Variants in ENTPD3 observed in about 807,000 individuals in gnomAD.
ENTPD3 encodes the protein CD39 antigen-like 3.
In ENTPD3, 60 loss-of-function variants were observed where a neutral mutation model predicts 51.2. The ratio of observed to expected loss-of-function variants is 1.17; its 90% CI spans 0.95 to 1.45. The LOEUF (loss-of-function observed/expected upper bound fraction) is 1.45. ENTPD3 is among the 40% of genes most tolerant of loss of function. The probability of loss-of-function intolerance (pLI) is 0.00; values close to 1 mark genes in which losing one functional copy is unlikely to be tolerated. For missense variants in ENTPD3, 593 were observed against 641.1 expected, an observed-to-expected ratio of 0.93 and a Z score of 0.81; for synonymous variants, 221 against 238.4, an observed-to-expected ratio of 0.93 and a Z score of 0.67.
Position 40,415,856 on chromosome 3 carries a change from T to C in ENTPD3, c.614T>C (p.Met205Thr). The change falls in exon 7 of 11, where the codon ATG (methionine) becomes ACG (threonine). Residue 205 changes from methionine to threonine, a missense_variant. Coordinates refer to ENST00000301825, the MANE Select transcript of ENTPD3 (RefSeq NM_001248.4). ...GNFLEKNLWH[M>T]WVHPHGVETT... ...ACTGTGCAGAAGAACCTGTGGCACA[T>C]GTGGGTGCACCCGCATGGAGTGGAA... 6.2e-7 allele frequency: 1 copy of C among 1,613,948 alleles called. No individual in the cohort carries two copies. Among genetic ancestry groups the C allele is most frequent in the Non-Finnish European group, 8.5e-7 (1 of 1,179,862 alleles).
chr3:40,427,275 G>T lies in ENTPD3; in HGVS notation c.1357G>T (p.Gly453Trp), dbSNP rs1228867128. 1 of 1,613,588 alleles carries T rather than the reference G, an allele frequency of 6.2e-7. No individual in the cohort carries two copies. The highest frequency in any genetic ancestry group is 1.3e-5 in the African/African-American group (1 of 75,026). ...AGCCATCTCCTCTACTCCACAGGTG[G>T]GGAATAGCAGCATAGCCTGGTCTCT... ...WPQIHFEKEVGNSSIAWSLGY... is the reference protein window; with the variant it reads ...WPQIHFEKEVWNSSIAWSLGY... The change falls in exon 11 of 11, where the codon GGG becomes TGG. Residue 453 changes from glycine to tryptophan, a missense_variant. Transcript: ENST00000301825.
At chr3:40,388,187 T>C (rs1444013621) in intron 2 of ENTPD3, 90 bp downstream of exon 2, 4 of 1,162,058 alleles carry the variant, frequency 3.4e-6, no homozygotes, top group Non-Finnish European at 5.2e-6. Flanking sequence ...CCATATCCCC[T>C]GCAAATGATT....
intron 10 of ENTPD3, among the ~76,000 whole-genome samples, chr3:40,426,107 C>CTTTTTTTTTTTTTTTTT (rs35267876): frequency 3.6e-5 from 4 of 112,448 alleles, no homozygotes; most frequent in African/African-American, 6.5e-5. Context: ...TTTTTCTTTT[C>CTTTTTTTTTTTTTTTTT]TTTTTTTTTT....
chr3:40,393,975 G>A (rs1222475587), intron 3 of ENTPD3, among the ~76,000 whole-genome samples: 1 of 148,784 alleles, frequency 6.7e-6, no homozygotes, highest in Non-Finnish European at 1.5e-5. Context: ...GTGAACCCGG[G>A]AGGTGGAGGT....
intron 3 of ENTPD3, 42 bp from the exon 4 acceptor site, chr3:40,400,852 G>A (rs779088777): frequency 6.7e-6 from 10 of 1,499,440 alleles, no homozygotes; most frequent in African/African-American, 1.4e-5. Flanking sequence ...GTCCTCAGAG[G>A]AGTCCCGCCC....
chr3:40,424,036 T>A, intron 10 of ENTPD3, 73 bp downstream of exon 10: 1 of 1,603,144 alleles, frequency 6.2e-7, no homozygotes, highest in South Asian at 1.1e-5. Context: ...GGAACAAATG[T>A]AGAAGGTAAA....
Position 40,414,704 on chromosome 3 carries a change from A to G in ENTPD3, c.461A>G (p.Asn154Ser). 1 of 1,614,098 alleles carries G rather than the reference A, an allele frequency of 6.2e-7. No homozygotes were observed. The highest frequency in any genetic ancestry group is 1.7e-4 in the Middle Eastern group (1 of 6,060). Residue 154 changes from asparagine to serine, a missense_variant, in exon 6 of 11, where the codon AAT becomes AGT. By Grantham distance (46) the Asn-to-Ser change is conservative. Coordinates refer to ENST00000301825, the MANE Select transcript of ENTPD3 (RefSeq NM_001248.4). ...AGGTTGCAAAATGAAACAGCAGCTA[A>G]TGAAGTCCTTGAAAGCATCCAAAGC... is the stretch of plus-strand genomic sequence containing the variant. ...LLRLQNETAA[N>S]EVLESIQSYF...
intron 4 of ENTPD3, among the ~76,000 whole-genome samples, chr3:40,409,983 C>T (rs551892111): frequency 1.3e-5 from 2 of 152,120 alleles, no homozygotes; most frequent in South Asian, 2.1e-4. Flanking sequence ...ATTGGTTAAA[C>T]TTTTTTTAAA....
intron 4 of ENTPD3, among the ~76,000 whole-genome samples, chr3:40,405,703 C>T (rs1041105693): frequency 2.0e-5 from 3 of 152,082 alleles, no homozygotes; most frequent in African/African-American, 7.2e-5. Flanking sequence ...ATCCTATCTC[C>T]TTTTCCCTCT....
intron 4 of ENTPD3, among the ~76,000 whole-genome samples, chr3:40,409,556 G>A (rs1418206818): frequency 6.6e-6 from 1 of 152,186 alleles, no homozygotes; most frequent in Admixed American, 6.5e-5. Flanking sequence ...AGCAAAACTT[G>A]TAATTACAAT....
At chr3:40,396,124 G>A (rs144429299) in intron 3 of ENTPD3, among the ~76,000 whole-genome samples, 20 of 152,220 alleles carry the variant, frequency 1.3e-4, no homozygotes, top group Non-Finnish European at 1.9e-4. Flanking sequence ...CCATTGCAAG[G>A]GACAGGAAAT....
At chr3:40,409,296 T>G (rs1955574166) in intron 4 of ENTPD3, among the ~76,000 whole-genome samples, 1 of 152,108 alleles carries the variant, frequency 6.6e-6, no homozygotes, top group African/African-American at 2.4e-5. Context: ...CATATATATT[T>G]ATTTAATTGT....
chr3:40,388,064 A>C lies in ENTPD3; in HGVS notation c.7A>C (p.Thr3Pro). The stretch of plus-strand genomic sequence containing the variant: ...CCTGCAGCTAGGAGAAAAGATGTTC[A>C]CTGTGCTGACCCGCCAACCATGTGA... The part of the protein sequence containing the change: MF[T>P]VLTRQPCEQA... Residue 3 changes from threonine to proline, a missense_variant, in exon 2 of 11, where the codon ACT becomes CCT. Transcript: ENST00000301825. 6.2e-7 allele frequency: 1 copy of C among 1,614,088 alleles called. No homozygotes were observed. The highest frequency in any genetic ancestry group is 1.1e-5 in the South Asian group (1 of 91,064).
intron 7 of ENTPD3, among the ~76,000 whole-genome samples, chr3:40,422,551 C>T (rs1431430980): frequency 7.1e-6 from 1 of 140,248 alleles, no homozygotes; most frequent in African/African-American, 2.6e-5. Context: ...TGTTCCCCTT[C>T]CTGTGTCCAT....
chr3:40,422,805 C>A, intron 7 of ENTPD3, 45 bp from the exon 8 acceptor site: 2 of 1,533,622 alleles, frequency 1.3e-6, no homozygotes, highest in Non-Finnish European at 1.8e-6. Context: ...GTGAATAGTG[C>A]CGCAATAAAC....
intron 3 of ENTPD3, chr3:40,392,466 G>A (rs996864920): frequency 2.3e-5 from 6 of 259,558 alleles, no homozygotes; most frequent in Admixed American, 2.2e-4. Context: ...GTTCAGCCAG[G>A]TGCGGTGGCT....
chr3:40,415,939 G>C lies in ENTPD3; in HGVS notation c.697G>C (p.Glu233Gln). The change falls in exon 7 of 11, where the codon GAG (glutamate) becomes CAG (glutamine). Residue 233 changes from glutamate (E) to glutamine (Q), a missense_variant. Physicochemically the swap from Glu to Gln is conservative, Grantham distance 29 (BLOSUM62 2). Coordinates refer to ENST00000301825, the MANE Select transcript of ENTPD3 (RefSeq NM_001248.4). The part of the protein sequence containing the change: ...ASTQISFVAG[E>Q]KMDLNTSDIM... ...CACCCAAATATCCTTCGTGGCAGGA[G>C]AGAAGATGGATCTGAACACCAGCGA... The C allele has an allele frequency of 1.2e-6, 2 of 1,614,158 alleles. No homozygotes were observed. The highest frequency in any genetic ancestry group is 1.7e-6 in the Non-Finnish European group (2 of 1,180,018).
At position 40,423,982 on chromosome 3, in the gene ENTPD3, A is replaced by G; in HGVS notation, c.1353+19A>G. 6.2e-7 allele frequency: 1 copy of G among 1,613,902 alleles called. No homozygotes were observed. Among genetic ancestry groups the G allele is most frequent in the Non-Finnish European group, 8.5e-7 (1 of 1,179,868 alleles). ...AAAAGAAGTAAGTTAAGCACAAATC[A>G]TTTTCTCTTCTTCTTCCCAACAGAG... is the stretch of plus-strand genomic sequence containing the variant. On this transcript the variant is annotated intron_variant, in intron 10 of 10. Transcript: ENST00000301825.
intron 7 of ENTPD3, 122 bp downstream of exon 7, chr3:40,416,195 G>A: frequency 1.5e-6 from 1 of 689,140 alleles, no homozygotes; most frequent in African/African-American, 1.8e-5. Context: ...GGAAATAACA[G>A]CATTTTCCAA....
Sources: gnomAD v4.1 joint callset for allele counts (sites outside exome capture counted in the v4.1 genomes callset) on GRCh38, gnomAD v4.1.1 for gene constraint, MANE v1.5 for transcripts, NCBI Gene and HGNC (gene_info 2026-07-23, HGNC 2026-07-21) for gene names.